RAD51B: variants seen among roughly 807,000 people sequenced by gnomAD.
RAD51B encodes DNA repair protein RAD51 homolog 2.
RAD51B carries 38 observed loss-of-function variants against 42.2 expected under a neutral mutation model. The ratio of observed to expected loss-of-function variants is 0.90; its 90% CI spans 0.70 to 1.18. The LOEUF (loss-of-function observed/expected upper bound fraction) is 1.18. Ranked by LOEUF, RAD51B falls within the 50% of genes most tolerant of loss-of-function variation. The pLI is 0.00. For synonymous variants in RAD51B, 154 were observed against 145.2 expected (o/e 1.06, Z -0.43); for missense variants, 373 against 400.7 (o/e 0.93, Z 0.59).
intron 9 of RAD51B, among the ~76,000 whole-genome samples, chr14:68,425,280 A>C (rs1422289744): frequency 6.6e-6 from 1 of 152,210 alleles, no homozygotes; most frequent in East Asian, 1.9e-4. Context: ...TTTTTCCTCA[A>C]GAAAAGGTAT....
intron 7 of RAD51B, among the ~76,000 whole-genome samples, chr14:68,210,566 G>A: frequency 6.6e-6 from 1 of 152,046 alleles, no homozygotes; most frequent in East Asian, 1.9e-4. Context: ...TGTCTTGGTG[G>A]CCTTCAGTGA....
chr14:68,533,115 T>A (rs10130177), intron 10 of RAD51B, among the ~76,000 whole-genome samples: 32,865 of 152,126 alleles, frequency 0.22, 3,862 homozygotes, highest in Middle Eastern at 0.37. Flanking sequence ...CAGACAAACC[T>A]ATCTTTCTTT....
chr14:68,444,324 G>A (rs1233312477), intron 9 of RAD51B, among the ~76,000 whole-genome samples: 1 of 152,192 alleles, frequency 6.6e-6, no homozygotes, highest in African/African-American at 2.4e-5. Flanking sequence ...TCTCCATTCA[G>A]GGACATTTCT....
chr14:68,494,272 T>C, intron 10 of RAD51B, among the ~76,000 whole-genome samples: 1 of 108,776 alleles, frequency 9.2e-6, no homozygotes. Context: ...AGAGTGAGAT[T>C]CCGTCTCAAA....
At chr14:68,547,143 C>T (rs1888279751) in intron 10 of RAD51B, among the ~76,000 whole-genome samples, 1 of 152,230 alleles carries the variant, frequency 6.6e-6, no homozygotes, top group African/African-American at 2.4e-5. Flanking sequence ...ACAGCCCACA[C>T]TTCGGGATCT....
chr14:68,459,836 A>G (rs1368379428), intron 9 of RAD51B, among the ~76,000 whole-genome samples: 2 of 152,220 alleles, frequency 1.3e-5, no homozygotes, highest in East Asian at 3.8e-4. Flanking sequence ...CCTTACAGGA[A>G]GAAACTCTTC....
chr14:67,931,163 C>T lies in RAD51B; in HGVS notation c.756+43959C>T, dbSNP rs758922481. 2.6e-5 allele frequency among the ~76,000 whole-genome samples: 4 copies of T among 152,150 alleles called. No homozygotes were observed. In the East Asian group the frequency reaches 7.7e-4, roughly 29 times the overall value. Reference sequence around the variant, plus strand: ...GTCTCAATCGCCTGACCTCGTGATCCGCCTGCCTTGGCCTCCCAAAGTGCT... The same window carrying T: ...GTCTCAATCGCCTGACCTCGTGATCTGCCTGCCTTGGCCTCCCAAAGTGCT... On this transcript the variant is annotated intron_variant, in intron 7 of 10. Transcript: ENST00000471583.
At chr14:68,066,403 A>G (rs2076650897) in intron 7 of RAD51B, among the ~76,000 whole-genome samples, 2 of 152,226 alleles carry the variant, frequency 1.3e-5, no homozygotes, top group Admixed American at 1.3e-4. Flanking sequence ...CAATTTTCAT[A>G]ATAAGAAAAG....
chr14:68,260,172 C>T (rs955079740), intron 7 of RAD51B, among the ~76,000 whole-genome samples: 2 of 151,850 alleles, frequency 1.3e-5, no homozygotes, highest in African/African-American at 4.8e-5. Context: ...GAAGCATCCC[C>T]ATGGGTCTTG....
chr14:68,070,283 T>C (rs2076720566), intron 7 of RAD51B, among the ~76,000 whole-genome samples: 1 of 152,228 alleles, frequency 6.6e-6, no homozygotes. Context: ...TTTAGTTTAA[T>C]TAGGTCTTAC....
chr14:68,397,105 T>C (rs2083946151), intron 8 of RAD51B, among the ~76,000 whole-genome samples: 1 of 152,180 alleles, frequency 6.6e-6, no homozygotes, highest in Non-Finnish European at 1.5e-5. Flanking sequence ...ACAATAATTA[T>C]CCCAAAGTGT....
At chr14:67,901,450 T>A (rs2043610341) in intron 7 of RAD51B, among the ~76,000 whole-genome samples, 2 of 152,078 alleles carry the variant, frequency 1.3e-5, no homozygotes, top group Non-Finnish European at 2.9e-5. Context: ...CTGTGGGTAT[T>A]TTTCCACTCC....
chr14:68,054,708 A>G (rs984940487), intron 7 of RAD51B, among the ~76,000 whole-genome samples: 1 of 152,248 alleles, frequency 6.6e-6, no homozygotes, highest in African/African-American at 2.4e-5. Context: ...CTGAGGACAT[A>G]TAGTGTAAAT....
At chr14:68,599,941 G>T (rs1891152086), downstream of RAD51B, among the ~76,000 whole-genome samples, 1 of 152,164 alleles carries the variant, frequency 6.6e-6, no homozygotes, top group Non-Finnish European at 1.5e-5. Context: ...GGCCTTTGGG[G>T]TCTCTCAGAG....
intron 7 of RAD51B, among the ~76,000 whole-genome samples, chr14:67,970,529 T>C (rs2074876067): frequency 6.6e-6 from 1 of 152,074 alleles, no homozygotes; most frequent in South Asian, 2.1e-4. Flanking sequence ...ATTTTTATTT[T>C]TATGTTTATT....
intron 10 of RAD51B, among the ~76,000 whole-genome samples, chr14:68,604,452 A>G (rs976813802): frequency 6.6e-6 from 1 of 152,222 alleles, no homozygotes; most frequent in Non-Finnish European, 1.5e-5. Flanking sequence ...CAGTGGCTGC[A>G]CCAGCCAGGC....
intron 7 of RAD51B, among the ~76,000 whole-genome samples, chr14:68,205,748 T>C (rs1383301474): frequency 1.3e-5 from 2 of 152,184 alleles, no homozygotes; most frequent in East Asian, 3.8e-4. Context: ...ATTTACTCGA[T>C]CTACATATGC....
At chr14:67,989,994 C>CT (rs539586350) in intron 7 of RAD51B, among the ~76,000 whole-genome samples, 2,183 of 118,338 alleles carry the variant, frequency 0.018, 59 homozygotes, top group South Asian at 0.061. Flanking sequence ...CTTTTAACAT[C>CT]TTTTTTTTTT....
chr14:68,421,631 G>A (rs1186616300), intron 9 of RAD51B: 13 of 1,283,294 alleles, frequency 1.0e-5, no homozygotes, highest in Non-Finnish European at 1.4e-5. Context: ...AGCAAACGGG[G>A]TGGAGGGGTG....
Sources: allele counts gnomAD v4.1 joint callset (sites outside exome capture counted in the v4.1 genomes callset), GRCh38; gene constraint gnomAD v4.1.1; transcripts MANE v1.5; gene names NCBI Gene and HGNC (gene_info 2026-07-23, HGNC 2026-07-21).